SCP2: variants seen among roughly 807,000 people sequenced by gnomAD.
SCP2 encodes the protein SCP-2/3-oxoacyl-CoA thiolase.
SCP2 carries 48 observed loss-of-function variants against 71.4 expected under a neutral mutation model. The ratio of observed to expected loss-of-function variants is 0.67; its 90% CI spans 0.53 to 0.86. SCP2 has a LOEUF of 0.86. Among genes scored for constraint, SCP2 ranks in the 40% least tolerant of loss-of-function variants. The pLI is 0.00. For missense variants in SCP2, 560 were observed against 655.6 expected (o/e 0.85, Z 1.59); for synonymous variants, 220 against 218.1 (o/e 1.01, Z -0.08).
intron 14 of SCP2, among the ~76,000 whole-genome samples, chr1:53,044,212 C>T (rs1012031199): frequency 2.6e-5 from 4 of 152,276 alleles, no homozygotes; most frequent in Admixed American, 2.0e-4. Context: ...CACCTGCCAC[C>T]ATGCTCGGCT....
chr1:52,990,725 C>T (rs113578739), intron 11 of SCP2, among the ~76,000 whole-genome samples: 1 of 110,734 alleles, frequency 9.0e-6, no homozygotes, highest in Non-Finnish European at 1.7e-5. Context: ...CAGAGTGAGA[C>T]TCCGTCTCAA....
rs1658169056 is a variant in SCP2 at position 52,978,284 on chromosome 1, C to A, written c.742C>A (p.Gln248Lys). 1.2e-6 allele frequency: 2 copies of A among 1,613,832 alleles called. No homozygotes were observed. Among genetic ancestry groups the A allele is most frequent in the East Asian group, 4.5e-5 (2 of 44,884 alleles). Residue 248 changes from glutamine to lysine, a missense_variant, in exon 9 of 16, where the codon CAA (glutamine) becomes AAA (lysine). This residue lies in a region of SCP2 where 513 missense variants were observed against 573.1 expected (regional missense o/e 0.90). Coordinates refer to ENST00000371514, the MANE Select transcript of SCP2 (RefSeq NM_002979.5). ...SEAFVQKYGL[Q>K]SKAVEILAQE... The stretch of plus-strand genomic sequence containing the variant: ...AGCATTTGTACAGAAGTATGGCCTG[C>A]AATCCAAAGCTGTGGAAATTTTGGC...
At chr1:53,017,934 A>G (rs894205150) in intron 12 of SCP2, among the ~76,000 whole-genome samples, 2 of 152,126 alleles carry the variant, frequency 1.3e-5, no homozygotes, top group African/African-American at 2.4e-5. Flanking sequence ...GGCTCACTGC[A>G]ACCTCCGCCT....
Position 52,941,372 on chromosome 1 carries a change from T to C in SCP2, c.70-424T>C, listed in dbSNP as rs191089094. On this transcript the variant is annotated intron_variant, in intron 1 of 15. Transcript: ENST00000371514. The stretch of plus-strand genomic sequence containing the variant: ...GCAAGGATTTTATATTATTTATTAT[T>C]AGAGTCTAATAATAATGTGTTTTTT... Among the ~76,000 whole-genome samples the C allele has an allele frequency of 5.9e-5, 9 of 152,320 alleles. No individual in the cohort carries two copies. The East Asian group carries it at 1.5e-3, about 26-fold the overall frequency.
chr1:53,002,536 A>G (rs921468129), intron 11 of SCP2, among the ~76,000 whole-genome samples: 2 of 152,222 alleles, frequency 1.3e-5, no homozygotes, highest in African/African-American at 2.4e-5. Flanking sequence ...CTGTGCACAA[A>G]AAATACATGT....
chr1:52,958,436 G>C lies in SCP2; in HGVS notation c.397-3067G>C, dbSNP rs187171451. Among the ~76,000 whole-genome samples, 10 of 152,118 alleles carry C rather than the reference G, an allele frequency of 6.6e-5. No homozygotes were observed. The East Asian group carries it at 1.7e-3, about 26-fold the overall frequency. ...AGTAGAGACGGGGTTTTACCATGTT[G>C]ACCAGGCTGGTCTTGAACTCCCGAC... On this transcript the variant is annotated intron_variant, in intron 5 of 15. Transcript: ENST00000371514.
At chr1:52,952,938 A>G (rs1405908646) in intron 4 of SCP2, among the ~76,000 whole-genome samples, 2 of 151,514 alleles carry the variant, frequency 1.3e-5, no homozygotes, top group East Asian at 3.9e-4. Context: ...CACTGATTTG[A>G]TTGTTGATCA....
At chr1:53,047,991 T>C (rs1663943823) in intron 15 of SCP2, 54 bp downstream of exon 15, 1 of 1,195,284 alleles carries the variant, frequency 8.4e-7, no homozygotes, top group African/African-American at 1.5e-5. Flanking sequence ...CAGCCCTTTC[T>C]ACTCCATCTC....
At chr1:52,984,943 G>A (rs150187309) in intron 10 of SCP2, among the ~76,000 whole-genome samples, 5 of 151,278 alleles carry the variant, frequency 3.3e-5, no homozygotes, top group African/African-American at 1.2e-4. Flanking sequence ...AGGTTCAGGC[G>A]ATTCTCCTGC....
At chr1:53,007,559 A>C (rs1368293406) in intron 11 of SCP2, among the ~76,000 whole-genome samples, 1 of 152,222 alleles carries the variant, frequency 6.6e-6, no homozygotes, top group African/African-American at 2.4e-5. Flanking sequence ...GGAAGAAATA[A>C]AGATGTTCTT....
At chr1:52,936,407 A>T (rs1653746301) in intron 1 of SCP2, among the ~76,000 whole-genome samples, 1 of 152,250 alleles carries the variant, frequency 6.6e-6, no homozygotes, top group Non-Finnish European at 1.5e-5. Flanking sequence ...AAACAATCAG[A>T]TATATGCTTC....
chr1:52,989,601 C>T (rs1215277991), intron 11 of SCP2, among the ~76,000 whole-genome samples: 1 of 152,144 alleles, frequency 6.6e-6, no homozygotes, highest in African/African-American at 2.4e-5. Flanking sequence ...ATTATATGAC[C>T]TGTCTGACAG....
chr1:52,969,666 C>T (rs998183827), intron 6 of SCP2, among the ~76,000 whole-genome samples: 1 of 151,902 alleles, frequency 6.6e-6, no homozygotes, highest in African/African-American at 2.4e-5. Flanking sequence ...TACTAAAATA[C>T]AAAAATTAGC....
At chr1:52,982,438 T>C (rs1323633181) in intron 10 of SCP2, among the ~76,000 whole-genome samples, 5 of 151,990 alleles carry the variant, frequency 3.3e-5, no homozygotes, top group Admixed American at 6.6e-5. Context: ...GGCATGGTGT[T>C]GGGCACCTGT....
chr1:53,043,668 A>C (rs1663583673), intron 14 of SCP2, among the ~76,000 whole-genome samples: 1 of 152,236 alleles, frequency 6.6e-6, no homozygotes, highest in South Asian at 2.1e-4. Context: ...AGTGTTCAGC[A>C]TAGTGAGAGC....
intron 6 of SCP2, 53 bp from the exon 7 acceptor site, chr1:52,974,716 A>C: frequency 1.1e-6 from 1 of 874,632 alleles, no homozygotes; most frequent in Non-Finnish European, 2.0e-6. Flanking sequence ...AAGATTTGTT[A>C]ATAAGCAGCG....
intron 11 of SCP2, among the ~76,000 whole-genome samples, chr1:52,992,473 T>C (rs1572154665): frequency 6.6e-6 from 1 of 152,204 alleles, no homozygotes; most frequent in East Asian, 1.9e-4. Context: ...AATTATTCCT[T>C]TTTACCCTTA....
At chr1:52,953,538 G>T (rs906217297) in intron 4 of SCP2, among the ~76,000 whole-genome samples, 2 of 151,982 alleles carry the variant, frequency 1.3e-5, no homozygotes, top group Non-Finnish European at 2.9e-5. Flanking sequence ...TAGAGATGGG[G>T]TCTTGCCATG....
chr1:53,019,296 G>C (rs902632843), intron 12 of SCP2, among the ~76,000 whole-genome samples: 3 of 152,116 alleles, frequency 2.0e-5, no homozygotes, highest in African/African-American at 7.2e-5. Context: ...GCATTATTCT[G>C]TAAAGAAGAG....
Sources: gnomAD v4.1 joint callset for allele counts (sites outside exome capture counted in the v4.1 genomes callset) on GRCh38, gnomAD v4.1.1 for gene constraint, gnomAD v4.1.1 regional missense constraint, MANE v1.5 for transcripts, NCBI Gene and HGNC (gene_info 2026-07-23, HGNC 2026-07-21) for gene names.